The following EYS variants were observed in gnomAD, a reference collection of about 807,000 sequenced individuals.
The protein encoded by EYS is protein eyes shut homolog.
Under a neutral mutation model 282.1 loss-of-function variants are expected in EYS, and 250 were observed. The observed-to-expected ratio is 0.89, with a 90% confidence interval of 0.80 to 0.98. The LOEUF (loss-of-function observed/expected upper bound fraction) is 0.98. Ranked by LOEUF, EYS falls within the 50% of genes least tolerant of loss-of-function variation. The pLI is 0.00. For synonymous variants in EYS, 1,355 were observed against 1,282.9 expected (o/e 1.06, Z -1.20); for missense variants, 4,016 against 3,709.0 (o/e 1.08, Z -2.15).
At chr6:63,880,229 C>T (rs1773090536) in intron 35 of EYS, among the ~76,000 whole-genome samples, 1 of 152,064 alleles carries the variant, frequency 6.6e-6, no homozygotes, top group Admixed American at 6.6e-5. Context: ...TGGTGGGCAC[C>T]ATCTAATCAG....
At chr6:65,388,792 TA>T (rs1313754144) in intron 7 of EYS, among the ~76,000 whole-genome samples, 1 of 152,044 alleles carries the variant, frequency 6.6e-6, no homozygotes, top group African/African-American at 2.4e-5. Flanking sequence ...TTTTTGTGGA[TA>T]AAAAATGATA....
At chr6:64,082,038 C>T in intron 31 of EYS, 36 bp from the exon 32 acceptor site, 1 of 1,343,874 alleles carries the variant, frequency 7.4e-7, no homozygotes. Context: ...GTTCTGATAG[C>T]ATTATATTGC....
At chr6:65,325,279 T>C (rs993715183) in intron 11 of EYS, among the ~76,000 whole-genome samples, 1 of 152,130 alleles carries the variant, frequency 6.6e-6, no homozygotes, top group African/African-American at 2.4e-5. Flanking sequence ...TGGATTTAGG[T>C]TGTACTGGTG....
chr6:64,962,359 C>A (rs565496186), intron 14 of EYS, among the ~76,000 whole-genome samples: 1 of 151,836 alleles, frequency 6.6e-6, no homozygotes, highest in African/African-American at 2.4e-5. Context: ...ATCTATGTAT[C>A]TCTTTATCTC....
At chr6:65,285,651 A>G (rs977153501) in intron 12 of EYS, among the ~76,000 whole-genome samples, 7 of 151,986 alleles carry the variant, frequency 4.6e-5, no homozygotes, top group Non-Finnish European at 8.8e-5. Flanking sequence ...TTTTCAGATA[A>G]ATTTTAAAAA....
chr6:64,029,045 G>T lies in EYS; in HGVS notation c.6726-29862C>A, dbSNP rs982832624. On this transcript the variant is annotated intron_variant, in intron 33 of 42. Coordinates refer to ENST00000503581, the MANE Select transcript of EYS (RefSeq NM_001142800.2). Reference sequence around the variant, plus strand: ...GACTATGGATCCCCAGATACAGCGAGATAGCCAGGCCCCTCTATACACTAA... The same window carrying T: ...GACTATGGATCCCCAGATACAGCGATATAGCCAGGCCCCTCTATACACTAA... Among the ~76,000 whole-genome samples, 14 of 152,274 alleles carry T rather than the reference G, an allele frequency of 9.2e-5. No homozygotes were observed. The East Asian group carries it at 2.7e-3, about 29-fold the overall frequency.
intron 33 of EYS, among the ~76,000 whole-genome samples, chr6:64,057,833 CTGTT>C (rs1322864256): frequency 1.3e-5 from 2 of 151,942 alleles, no homozygotes; most frequent in African/African-American, 4.8e-5. Context: ...ATTTTTGAAT[CTGTT>C]TGTTTTTCCT....
At chr6:65,437,842 G>C (rs1248287428) in intron 5 of EYS, among the ~76,000 whole-genome samples, 1 of 147,658 alleles carries the variant, frequency 6.8e-6, no homozygotes, top group Non-Finnish European at 1.5e-5. Context: ...TCATATTTTG[G>C]GTTTTATTTC....
chr6:65,384,635 G>A (rs1765733885), intron 7 of EYS, 135 bp from the exon 8 acceptor site: 1 of 591,666 alleles, frequency 1.7e-6, no homozygotes, highest in Admixed American at 3.0e-5. Context: ...ATACATACCT[G>A]TGATCTTAGC....
intron 35 of EYS, among the ~76,000 whole-genome samples, chr6:63,885,275 T>G (rs1306834393): frequency 6.6e-6 from 1 of 152,216 alleles, no homozygotes; most frequent in Non-Finnish European, 1.5e-5. Flanking sequence ...TGGGTTGAGA[T>G]GCTGGATGTT....
At chr6:64,377,653 TAGA>T (rs1772602569) in intron 29 of EYS, 2 of 152,158 alleles carry the variant, frequency 1.3e-5, no homozygotes, top group Admixed American at 1.3e-4. Context: ...TAACTACTAT[TAGA>T]AGGACAATAA....
chr6:64,991,346 T>C (rs114714645), intron 14 of EYS, among the ~76,000 whole-genome samples: 1 of 151,596 alleles, frequency 6.6e-6, no homozygotes, highest in African/African-American at 2.4e-5. Flanking sequence ...GTCACTGCAG[T>C]GCCTCTTTTA....
At chr6:63,998,713 G>A (rs1767945641) in intron 34 of EYS, among the ~76,000 whole-genome samples, 1 of 151,442 alleles carries the variant, frequency 6.6e-6, no homozygotes, top group Non-Finnish European at 1.5e-5. Context: ...AACAGTGCAA[G>A]TACTATCATA....
chr6:65,558,749 AT>A (rs1401133702), intron 2 of EYS, among the ~76,000 whole-genome samples: 3 of 152,236 alleles, frequency 2.0e-5, no homozygotes, highest in African/African-American at 7.2e-5. Flanking sequence ...ATGCACTGTC[AT>A]GTCATTTATT....
intron 12 of EYS, among the ~76,000 whole-genome samples, chr6:65,228,283 C>A (rs962889178): frequency 7.2e-5 from 11 of 151,938 alleles, no homozygotes; most frequent in African/African-American, 2.7e-4. Flanking sequence ...TGACTAATGA[C>A]ATAATTGTCT....
chr6:64,794,449 G>A (rs961775134), intron 22 of EYS, among the ~76,000 whole-genome samples: 1 of 152,100 alleles, frequency 6.6e-6, no homozygotes, highest in African/African-American at 2.4e-5. Flanking sequence ...TTGTTTGAAA[G>A]TGTGGAGCAC....
chr6:64,584,446 G>T (rs184216454), intron 26 of EYS, among the ~76,000 whole-genome samples: 1 of 151,348 alleles, frequency 6.6e-6, no homozygotes, highest in Admixed American at 6.6e-5. Context: ...TTCTAAAATT[G>T]AAATTATATT....
In EYS at chr6:64,663,294, T is replaced by C. The variant is rs187319845; in HGVS notation, c.3444-37049A>G. On this transcript the variant is annotated intron_variant, in intron 22 of 42. Transcript: ENST00000503581. ...GAAAATTGCTCAGTTTTTATTCTCA[T>C]TAAGTCTCAAGAAAGTCTGAGTGAG... Among the ~76,000 whole-genome samples, 409 of 152,316 alleles carry C rather than the reference T, an allele frequency of 2.7e-3. 2 individuals are homozygous for C. Among genetic ancestry groups the C allele is most frequent in the African/African-American group, 9.4e-3 (389 of 41,576 alleles).
chr6:65,499,324 A>G (rs552784635), intron 2 of EYS, among the ~76,000 whole-genome samples: 1 of 152,186 alleles, frequency 6.6e-6, no homozygotes, highest in South Asian at 2.1e-4. Context: ...GCTCATTATA[A>G]TAGTTGGCAT....
Sources: allele counts gnomAD v4.1 joint callset (sites outside exome capture counted in the v4.1 genomes callset), GRCh38; gene constraint gnomAD v4.1.1; transcripts MANE v1.5; gene names NCBI Gene and HGNC (gene_info 2026-07-23, HGNC 2026-07-21).